The following RALYL variants were observed in gnomAD, a reference collection of about 807,000 sequenced individuals.
RALYL encodes RALY RNA binding protein like.
RALYL carries 29 observed loss-of-function variants against 35.1 expected under a neutral mutation model. That is an observed-to-expected ratio of 0.83 (90% CI 0.61 to 1.13). The LOEUF (loss-of-function observed/expected upper bound fraction) is 1.13, where lower values mean the gene tolerates loss of function less well. Among genes scored for constraint, RALYL ranks in the 50% most tolerant of loss-of-function variants. The pLI, the probability that RALYL is intolerant of heterozygous loss-of-function variation, is 0.00. For synonymous variants in RALYL, 120 were observed against 127.6 expected (o/e 0.94, Z 0.40); for missense variants, 359 against 360.4 (o/e 1.00, Z 0.03).
chr8:84,813,379 C>T (rs183704108), intron 4 of RALYL, among the ~76,000 whole-genome samples: 10 of 152,288 alleles, frequency 6.6e-5, no homozygotes, highest in African/African-American at 2.2e-4. Flanking sequence ...ACCATGCGAG[C>T]CTCTGCACGC....
At chr8:84,339,932 C>A (rs367648289) in intron 1 of RALYL, among the ~76,000 whole-genome samples, 2 of 152,046 alleles carry the variant, frequency 1.3e-5, no homozygotes, top group East Asian at 3.9e-4. Flanking sequence ...CTTCTATAAT[C>A]CCCACATGTC....
chr8:84,448,464 G>T (rs1416978408), intron 1 of RALYL, among the ~76,000 whole-genome samples: 2 of 151,978 alleles, frequency 1.3e-5, no homozygotes, highest in Non-Finnish European at 1.5e-5. Flanking sequence ...TGCCTCAATT[G>T]CATTTCTGCC....
chr8:84,670,266 G>GT (rs1832949269), intron 2 of RALYL, among the ~76,000 whole-genome samples: 1 of 152,056 alleles, frequency 6.6e-6, no homozygotes, highest in African/African-American at 2.4e-5. Context: ...CTCTTTTGTT[G>GT]TTTTTTATAC....
At chr8:84,229,068 A>G (rs1438980419) in intron 1 of RALYL, among the ~76,000 whole-genome samples, 1 of 152,180 alleles carries the variant, frequency 6.6e-6, no homozygotes, top group East Asian at 1.9e-4. Flanking sequence ...CCAGCTTTTT[A>G]TGGAATTTCA....
At chr8:84,908,942 G>A (rs1847032376) in intron 8 of RALYL, among the ~76,000 whole-genome samples, 1 of 151,764 alleles carries the variant, frequency 6.6e-6, no homozygotes, top group African/African-American at 2.4e-5. Flanking sequence ...TATCACATTG[G>A]AAAAGTACCC....
At chr8:84,668,408 G>C (rs926551344) in intron 2 of RALYL, among the ~76,000 whole-genome samples, 9 of 152,138 alleles carry the variant, frequency 5.9e-5, no homozygotes, top group Non-Finnish European at 1.2e-4. Flanking sequence ...TGTAACAGGG[G>C]ATAGGGAGTT....
chr8:84,900,889 T>C (rs1243413323), intron 8 of RALYL, among the ~76,000 whole-genome samples: 1 of 152,054 alleles, frequency 6.6e-6, no homozygotes, highest in Non-Finnish European at 1.5e-5. Context: ...AAGAGAGAGA[T>C]TGAACTCAGC....
chr8:84,433,859 AT>A (rs201494841), intron 1 of RALYL, among the ~76,000 whole-genome samples: 2,482 of 151,568 alleles, frequency 0.016, 65 homozygotes, highest in African/African-American at 0.055. Flanking sequence ...ATATATATAT[AT>A]ATAATACCAT....
intron 1 of RALYL, among the ~76,000 whole-genome samples, chr8:84,314,028 A>G (rs1406120174): frequency 6.6e-6 from 1 of 152,296 alleles, no homozygotes; most frequent in East Asian, 1.9e-4. Flanking sequence ...ACAGTTCTGC[A>G]TGGCTGGGGG....
intron 1 of RALYL, among the ~76,000 whole-genome samples, chr8:84,251,165 T>A (rs1830129213): frequency 1.3e-5 from 2 of 152,142 alleles, no homozygotes; most frequent in Non-Finnish European, 2.9e-5. Flanking sequence ...GAAGGCATTA[T>A]TATTTTCTTT....
chr8:84,583,441 C>G (rs1811292466), intron 2 of RALYL, among the ~76,000 whole-genome samples: 1 of 152,098 alleles, frequency 6.6e-6, no homozygotes, highest in Admixed American at 6.5e-5. Flanking sequence ...CTTTTCAGTA[C>G]AGCCAAGTGT....
chr8:84,766,846 C>T (rs1186224139), intron 2 of RALYL, among the ~76,000 whole-genome samples: 2 of 149,680 alleles, frequency 1.3e-5, no homozygotes, highest in African/African-American at 4.9e-5. Context: ...GCCTTTTGGT[C>T]TGTATAAATT....
chr8:84,637,640 A>AGG (rs1185677158), intron 2 of RALYL, among the ~76,000 whole-genome samples: 1 of 151,840 alleles, frequency 6.6e-6, no homozygotes. Context: ...GGAAGGCATG[A>AGG]GGGAAAGGTA....
intron 4 of RALYL, among the ~76,000 whole-genome samples, chr8:84,820,611 G>T (rs1035435041): frequency 5.3e-5 from 8 of 152,072 alleles, no homozygotes. Flanking sequence ...AGGTATACAT[G>T]TGCGATGATA....
intron 1 of RALYL, among the ~76,000 whole-genome samples, chr8:84,266,982 A>G (rs1833460186): frequency 6.6e-6 from 1 of 150,532 alleles, no homozygotes; most frequent in African/African-American, 2.4e-5. Context: ...AAAAAAAAAA[A>G]TTGATGTGAG....
chr8:84,904,727 A>G (rs2135594270), intron 8 of RALYL, among the ~76,000 whole-genome samples: 1 of 152,292 alleles, frequency 6.6e-6, no homozygotes, highest in East Asian at 1.9e-4. Context: ...TACAAATTGC[A>G]TTGGTTAAAA....
rs144809571 is a variant in RALYL, at chr8:84,299,147, T to C, written c.-24+114723T>C. On this transcript the variant is annotated intron_variant, in intron 1 of 8. Coordinates refer to ENST00000521268, the MANE Select transcript of RALYL (RefSeq NM_173848.7). ...GTATTGTTGTGATTCTTAAGAGAAG[T>C]GTTTCTAGCTTTTCCTCATTTAGTA... Among the ~76,000 whole-genome samples, 489 of 152,010 alleles carry C rather than the reference T, an allele frequency of 3.2e-3. 1 individual carries two copies. Among genetic ancestry groups the C allele is most frequent in the African/African-American group, 0.01 (425 of 41,532 alleles).
chr8:84,844,320 A>T (rs1290249666), intron 4 of RALYL, among the ~76,000 whole-genome samples: 1 of 152,240 alleles, frequency 6.6e-6, no homozygotes, highest in Non-Finnish European at 1.5e-5. Flanking sequence ...ACCTGAACAG[A>T]CACTTCTCAA....
At chr8:84,608,913 G>A (rs369077249) in intron 2 of RALYL, among the ~76,000 whole-genome samples, 1 of 152,226 alleles carries the variant, frequency 6.6e-6, no homozygotes, top group South Asian at 2.1e-4. Flanking sequence ...TCCACTCAAA[G>A]AGTGTAACAT....
Sources: gnomAD v4.1 joint callset for allele counts (sites outside exome capture counted in the v4.1 genomes callset) on GRCh38, gnomAD v4.1.1 for gene constraint, MANE v1.5 for transcripts, NCBI Gene and HGNC (gene_info 2026-07-23, HGNC 2026-07-21) for gene names.